Variants in DGKB observed in about 807,000 individuals in gnomAD.
DGKB encodes the protein diacylglycerol kinase beta.
Under a neutral mutation model 114.3 loss-of-function variants are expected in DGKB, and 67 were observed. That is an observed-to-expected ratio of 0.59 (90% CI 0.48 to 0.72). DGKB has a LOEUF of 0.72. Among genes scored for constraint, DGKB ranks in the 30% least tolerant of loss-of-function variants. DGKB has a pLI of 0.00. For missense variants in DGKB, 907 were observed against 975.2 expected (o/e 0.93, Z 0.93); for synonymous variants, 398 against 323.1 (o/e 1.23, Z -2.49).
rs184294505 is a variant in DGKB at position 14,342,850 on chromosome 7, G to C, written c.1926+2451C>G. ...TTGAAGGTGCTCACTATGTGAAAGA[G>C]AAATATTAAATAAAAAGACACACAA... On this transcript the variant is annotated intron_variant, in intron 22 of 25. Transcript: ENST00000402815. 1.3e-3 allele frequency among the ~76,000 whole-genome samples: 197 copies of C among 151,790 alleles called. 1 individual carries two copies. The highest frequency in any genetic ancestry group is 4.6e-3 in the African/African-American group (190 of 41,480).
At chr7:14,556,912 T>G (rs1300904892) in intron 20 of DGKB, among the ~76,000 whole-genome samples, 1 of 152,198 alleles carries the variant, frequency 6.6e-6, no homozygotes, top group African/African-American at 2.4e-5. Context: ...AAACTACTTG[T>G]GCTCTTAAGA....
At chr7:14,883,167 TCTC>T (rs1854496528) in intron 1 of DGKB, among the ~76,000 whole-genome samples, 2 of 152,112 alleles carry the variant, frequency 1.3e-5, no homozygotes, top group South Asian at 4.1e-4. Context: ...GGATATATTT[TCTC>T]CTCCTCCTTT....
At chr7:14,459,328 C>A (rs1832747643) in intron 21 of DGKB, among the ~76,000 whole-genome samples, 1 of 152,032 alleles carries the variant, frequency 6.6e-6, no homozygotes. Context: ...ATGTTCTAAC[C>A]CAATGCAAGG....
intron 21 of DGKB, among the ~76,000 whole-genome samples, chr7:14,392,728 T>C (rs989875882): frequency 1.3e-5 from 2 of 152,078 alleles, no homozygotes; most frequent in Admixed American, 6.6e-5. Flanking sequence ...TCAAATCCTA[T>C]TGGAAATTCC....
chr7:14,291,974 C>T (rs1322243463), intron 23 of DGKB, among the ~76,000 whole-genome samples: 3 of 152,046 alleles, frequency 2.0e-5, no homozygotes, highest in Non-Finnish European at 4.4e-5. Context: ...CTACTGTTTA[C>T]CTCCTTTTCA....
chr7:14,156,169 G>A (rs183201863), intron 25 of DGKB, among the ~76,000 whole-genome samples: 1 of 152,182 alleles, frequency 6.6e-6, no homozygotes, highest in East Asian at 1.9e-4. Context: ...ATTAATTAGG[G>A]TGAAACCTTC....
At chr7:14,353,852 A>G (rs1483200998) in intron 21 of DGKB, among the ~76,000 whole-genome samples, 1 of 152,196 alleles carries the variant, frequency 6.6e-6, no homozygotes, top group Non-Finnish European at 1.5e-5. Flanking sequence ...AGATATGCAG[A>G]TATCACTGAA....
chr7:14,431,659 T>G (rs191656165), intron 21 of DGKB, among the ~76,000 whole-genome samples: 28 of 152,290 alleles, frequency 1.8e-4, no homozygotes, highest in African/African-American at 1.9e-4. Flanking sequence ...TATATTTTAT[T>G]GTGGTAAGTC....
intron 21 of DGKB, among the ~76,000 whole-genome samples, chr7:14,404,230 G>A (rs978049581): frequency 6.6e-6 from 1 of 151,150 alleles, no homozygotes; most frequent in African/African-American, 2.4e-5. Flanking sequence ...ATTTTGAGAT[G>A]AATCATACAT....
At chr7:14,961,391 A>G (rs36913) in intron 1 of DGKB, among the ~76,000 whole-genome samples, 19,231 of 152,120 alleles carry the variant, frequency 0.13, 1,619 homozygotes, top group Non-Finnish European at 0.2. Flanking sequence ...ATAATTTAGG[A>G]TTTTATTAAA....
At chr7:14,666,254 T>C (rs1227732624) in intron 13 of DGKB, among the ~76,000 whole-genome samples, 1 of 152,010 alleles carries the variant, frequency 6.6e-6, no homozygotes, top group Non-Finnish European at 1.5e-5. Context: ...TAGGGAGTTT[T>C]ATATGATTAA....
At chr7:14,295,259 G>A (rs1001448737) in intron 23 of DGKB, among the ~76,000 whole-genome samples, 5 of 152,132 alleles carry the variant, frequency 3.3e-5, no homozygotes. Flanking sequence ...TTTGCTTTTA[G>A]TTAGCAATAT....
chr7:14,457,964 C>T (rs1021670819), intron 21 of DGKB, among the ~76,000 whole-genome samples: 9 of 152,176 alleles, frequency 5.9e-5, no homozygotes, highest in African/African-American at 2.2e-4. Context: ...AGGACTCATC[C>T]AGTGTTCTCT....
intron 23 of DGKB, among the ~76,000 whole-genome samples, chr7:14,335,625 A>G (rs1189622506): frequency 6.6e-6 from 1 of 152,242 alleles, no homozygotes; most frequent in East Asian, 1.9e-4. Flanking sequence ...GTGTTGGACT[A>G]GAGCCATATT....
intron 23 of DGKB, among the ~76,000 whole-genome samples, chr7:14,193,702 T>C (rs898724018): frequency 6.6e-6 from 1 of 152,120 alleles, no homozygotes; most frequent in East Asian, 1.9e-4. Context: ...AAATGGAGTT[T>C]CATTGAACTA....
intron 1 of DGKB, among the ~76,000 whole-genome samples, chr7:14,931,768 T>C (rs1199243431): frequency 6.6e-6 from 1 of 152,078 alleles, no homozygotes; most frequent in African/African-American, 2.4e-5. Flanking sequence ...AAGTCCTGGA[T>C]TATAAGATAC....
intron 21 of DGKB, among the ~76,000 whole-genome samples, chr7:14,355,892 G>T (rs1195090765): frequency 6.6e-6 from 1 of 152,188 alleles, no homozygotes; most frequent in Non-Finnish European, 1.5e-5. Flanking sequence ...ATTCGGCTGT[G>T]AATCCAGCTG....
chr7:14,453,088 G>A (rs537878168), intron 21 of DGKB, among the ~76,000 whole-genome samples: 2 of 152,252 alleles, frequency 1.3e-5, no homozygotes, highest in African/African-American at 2.4e-5. Context: ...TCCAGGCACT[G>A]TTCTTAGTGC....
chr7:14,680,741 A>T (rs1375445909), intron 12 of DGKB, among the ~76,000 whole-genome samples: 1 of 151,950 alleles, frequency 6.6e-6, no homozygotes, highest in Admixed American at 6.6e-5. Context: ...GACTTCATGG[A>T]GATTAAATAG....
Sources: allele counts gnomAD v4.1 joint callset (sites outside exome capture counted in the v4.1 genomes callset), GRCh38; gene constraint gnomAD v4.1.1; transcripts MANE v1.5; gene names NCBI Gene and HGNC (gene_info 2026-07-23, HGNC 2026-07-21).